CELF1: variants seen among roughly 807,000 people sequenced by gnomAD.
CELF1 encodes 50 kDa nuclear polyadenylated RNA-binding protein.
CELF1 carries 10 observed loss-of-function variants against 61.8 expected under a neutral mutation model. That is an observed-to-expected ratio of 0.16 (90% confidence interval 0.10 to 0.27). The LOEUF is 0.27. Among genes scored for constraint, CELF1 ranks in the 10% least tolerant of loss-of-function variants. The probability of loss-of-function intolerance (pLI) is 1.00; values close to 1 mark genes in which losing one functional copy is unlikely to be tolerated. For synonymous variants in CELF1, 236 were observed against 225.1 expected (o/e 1.05, Z -0.43); for missense variants, 380 against 639.1 (o/e 0.59, Z 4.37).
Position 47,472,172 on chromosome 11 carries a change from G to GTGC in CELF1, c.*55_*57dup. The stretch of plus-strand genomic sequence containing the variant: ...GCCTCAGGGCTTCGAATCATTAAGG[G>GTGC]TGCTCCTCCCCCACTTACCAGAAGA... On this transcript the variant is annotated 3_prime_UTR_variant, in exon 15 of 15. Transcript: ENST00000687097. 1 of 1,598,824 alleles carries GTGC rather than the reference G, an allele frequency of 6.3e-7. No individual in the cohort carries two copies. The highest frequency in any genetic ancestry group is 8.6e-7 in the Non-Finnish European group (1 of 1,169,404).
chr11:47,529,441 C>T (rs546315129), intron 1 of CELF1, among the ~76,000 whole-genome samples: 4 of 152,224 alleles, frequency 2.6e-5, no homozygotes, highest in South Asian at 4.1e-4. Context: ...AATCCCAGCA[C>T]GTTGCGAGGC....
chr11:47,509,105 C>A (rs576498121), intron 1 of CELF1, among the ~76,000 whole-genome samples: 30 of 152,238 alleles, frequency 2.0e-4, no homozygotes, highest in Non-Finnish European at 3.5e-4. Context: ...CTTTGTCTTC[C>A]CAGTTTTGCT....
chr11:47,538,250 ATC>A (rs1293291171), intron 1 of CELF1, among the ~76,000 whole-genome samples: 4 of 152,136 alleles, frequency 2.6e-5, no homozygotes, highest in Non-Finnish European at 5.9e-5. Context: ...TCATCATTTG[ATC>A]TCTGATATCA....
intron 1 of CELF1, among the ~76,000 whole-genome samples, chr11:47,526,194 TGGTGCATGCCAGGTGTGGG>T (rs1316404748): frequency 6.6e-6 from 1 of 151,522 alleles, no homozygotes; most frequent in Non-Finnish European, 1.5e-5. Flanking sequence ...CCAGGTGTGG[TGGTGCATGCCAGGTGTGGG>T]GGTGGCTGAG....
chr11:47,481,093 T>C (rs145741864), intron 9 of CELF1, among the ~76,000 whole-genome samples: 4,424 of 102,124 alleles, frequency 0.043, 136 homozygotes, highest in South Asian at 0.24. Context: ...TTTTTTTTTT[T>C]TTCTTCTTCT....
At chr11:47,514,960 A>T (rs2095474964) in intron 1 of CELF1, 1 of 152,202 alleles carries the variant, frequency 6.6e-6, no homozygotes, top group African/African-American at 2.4e-5. Context: ...TCTGCTCCCC[A>T]AACAGCTTCC....
chr11:47,493,720 G>A (rs1206822291), intron 3 of CELF1, among the ~76,000 whole-genome samples: 1 of 151,912 alleles, frequency 6.6e-6, no homozygotes, highest in Non-Finnish European at 1.5e-5. Flanking sequence ...ATTTTACAAG[G>A]GAGTGGGGGT....
chr11:47,517,098 T>A (rs1277544784), intron 1 of CELF1, among the ~76,000 whole-genome samples: 12 of 151,758 alleles, frequency 7.9e-5, no homozygotes, highest in Admixed American at 7.9e-4. Context: ...AATTCAAAAA[T>A]TAGCTGGGTG....
rs556796816 is a variant in CELF1 at position 47,516,093 on chromosome 11, CT to C, written c.-153-15162del. Among the ~76,000 whole-genome samples, 8 of 150,718 alleles carry C rather than the reference CT, an allele frequency of 5.3e-5. No individual in the cohort carries two copies. In the South Asian group the frequency reaches 1.7e-3, roughly 32 times the overall value. ...TGGCAGGCGCCTGTAATCCCAGCTA[CT>C]TGGGAGGCTACGGCAGGAAGAATTG... is the stretch of plus-strand genomic sequence containing the variant. On this transcript the variant is annotated intron_variant, in intron 1 of 14. Coordinates refer to ENST00000687097, the MANE Select transcript of CELF1 (RefSeq NM_001376376.1).
In CELF1 at chr11:47,522,538, C is replaced by A. The variant is rs550821085; in HGVS notation, c.-153-21606G>T. ...CTGTCTAAAACAACAACAACAACAA[C>A]AACAAAACGCCAGGCACAGTGGCTC... On this transcript the variant is annotated intron_variant, in intron 1 of 14. Coordinates refer to ENST00000687097, the MANE Select transcript of CELF1 (RefSeq NM_001376376.1). Among the ~76,000 whole-genome samples, 171 of 142,250 alleles carry A rather than the reference C, an allele frequency of 1.2e-3. 1 individual carries two copies. Among genetic ancestry groups the A allele is most frequent in the Admixed American group, 3.7e-3 (52 of 14,142 alleles). 93.3% of individuals were successfully genotyped at this position (142,250 alleles called of 152,430 possible). A position where few individuals can be genotyped will look rare whatever the true frequency, so the allele number is the denominator to read the frequency against.
At chr11:47,521,897 T>C (rs537202079) in intron 1 of CELF1, among the ~76,000 whole-genome samples, 2 of 151,894 alleles carry the variant, frequency 1.3e-5, no homozygotes, top group East Asian at 3.9e-4. Flanking sequence ...CTTTTTAAAA[T>C]GCAACAGCTA....
At chr11:47,530,315 A>C (rs1283829700) in intron 1 of CELF1, among the ~76,000 whole-genome samples, 1 of 152,234 alleles carries the variant, frequency 6.6e-6, no homozygotes, top group Admixed American at 6.5e-5. Flanking sequence ...AAAGACATGA[A>C]AGACAAGAAG....
intron 1 of CELF1, among the ~76,000 whole-genome samples, chr11:47,529,281 CCGGGGA>C (rs1327532334): frequency 1.5e-5 from 2 of 135,370 alleles, no homozygotes; most frequent in African/African-American, 4.9e-5. Context: ...GGAGACGAGG[CCGGGGA>C]CAGTGGCTCC....
chr11:47,502,982 T>G (rs1468391561), intron 1 of CELF1, among the ~76,000 whole-genome samples: 2 of 152,266 alleles, frequency 1.3e-5, no homozygotes, highest in Non-Finnish European at 2.9e-5. Context: ...CCTTTCACTC[T>G]GAATGTACTT....
rs535836479 is a variant in CELF1 at position 47,529,026 on chromosome 11, A to T, written c.-154+23966T>A. Among the ~76,000 whole-genome samples the T allele has an allele frequency of 3.6e-3, 543 of 151,856 alleles. 6 individuals are homozygous for T. The highest frequency in any genetic ancestry group is 0.013 in the African/African-American group (522 of 41,390). ...AGTGATCCTCTCACTTCAGCCTCCC[A>T]AGTATCTGGAACTGAGTACAGATGT... On this transcript the variant is annotated intron_variant, in intron 1 of 14. Transcript: ENST00000687097.
At chr11:47,539,480 C>T (rs1230651208) in intron 1 of CELF1, among the ~76,000 whole-genome samples, 1 of 152,136 alleles carries the variant, frequency 6.6e-6, no homozygotes, top group Non-Finnish European at 1.5e-5. Context: ...TGGTGAAACC[C>T]TGTTTCTACT....
intron 1 of CELF1, among the ~76,000 whole-genome samples, chr11:47,512,247 G>A (rs2095251852): frequency 6.6e-6 from 1 of 152,064 alleles, no homozygotes; most frequent in Non-Finnish European, 1.5e-5. Context: ...CCGCCTCCCA[G>A]GTTCAAACGA....
At chr11:47,486,432 C>CA (rs1396694674) in intron 6 of CELF1, among the ~76,000 whole-genome samples, 1 of 149,564 alleles carries the variant, frequency 6.7e-6, no homozygotes, top group Non-Finnish European at 1.5e-5. Flanking sequence ...TTTTTTGAGA[C>CA]AGAGTCTCAC....
At chr11:47,552,663 T>C (rs1565916904) in intron 1 of CELF1, among the ~76,000 whole-genome samples, 2 of 152,080 alleles carry the variant, frequency 1.3e-5, no homozygotes, top group African/African-American at 2.4e-5. Context: ...AAAACGGAGC[T>C]GGCCCTGGGC....
Sources: gnomAD v4.1 joint callset for allele counts (sites outside exome capture counted in the v4.1 genomes callset) on GRCh38, gnomAD v4.1.1 for gene constraint, MANE v1.5 for transcripts, NCBI Gene and HGNC (gene_info 2026-07-23, HGNC 2026-07-21) for gene names.